ABCC12: variants seen among roughly 807,000 people sequenced by gnomAD.
The protein encoded by ABCC12 is ATP binding cassette subfamily C member 12, also known as ATP-binding cassette sub-family C member 12.
Under a neutral mutation model 151.1 loss-of-function variants are expected in ABCC12, and 142 were observed. That is an observed-to-expected ratio of 0.94 (90% CI 0.82 to 1.08). The LOEUF is 1.08. Among genes scored for constraint, ABCC12 ranks in the 50% least tolerant of loss-of-function variants. The pLI, the probability that ABCC12 is intolerant of heterozygous loss-of-function variation, is 0.00. For missense variants in ABCC12, 1,638 were observed against 1,691.1 expected (o/e 0.97, Z 0.55); for synonymous variants, 645 against 646.4 (o/e 1.00, Z 0.03).
intron 23 of ABCC12, 45 bp from the exon 24 acceptor site, chr16:48,096,947 A>G: frequency 6.2e-7 from 1 of 1,613,476 alleles, no homozygotes; most frequent in Non-Finnish European, 8.5e-7. Flanking sequence ...AGTCAAGAAA[A>G]TCAGAAAAAG....
intron 24 of ABCC12, among the ~76,000 whole-genome samples, chr16:48,092,104 C>T (rs1962923336): frequency 6.6e-6 from 1 of 152,226 alleles, no homozygotes; most frequent in Non-Finnish European, 1.5e-5. Flanking sequence ...TCTCCCGAGC[C>T]TCCGGAGGGA....
At chr16:48,084,128 C>A (rs1962480008) in intron 29 of ABCC12, 55 bp from the exon 30 acceptor site, 5 of 1,500,990 alleles carry the variant, frequency 3.3e-6, no homozygotes, top group East Asian at 4.8e-5. Flanking sequence ...GAATTTACAG[C>A]CTCGGCTCTA....
chr16:48,146,869 A>T (rs1029622908), intron 2 of ABCC12: 5 of 188,884 alleles, frequency 2.6e-5, no homozygotes, highest in Non-Finnish European at 4.4e-5. Flanking sequence ...ACATGCACAC[A>T]TGCACACACA....
chr16:48,091,165 C>A lies in ABCC12; in HGVS notation c.3240G>T (p.Thr1080=), dbSNP rs769881761. 6.2e-7 allele frequency: 1 copy of A among 1,614,152 alleles called. No individual in the cohort carries two copies. Among genetic ancestry groups the A allele is most frequent in the South Asian group, 1.1e-5 (1 of 91,084 alleles). The part of the protein sequence containing the change: ...LQVCVRTGTE[T]QAKFTSVELL... The stretch of plus-strand genomic sequence containing the variant: ...GCTCCACGGAGGTGAATTTGGCTTG[C>A]GTCTCTGTTCCCGTTCGCACACACA... Residue 1080 remains threonine, a synonymous_variant, in exon 25 of 31, where the codon ACG becomes ACT. Transcript: ENST00000311303.
intron 28 of ABCC12, 120 bp downstream of exon 28, chr16:48,086,621 G>A (rs758122895): frequency 4.9e-6 from 4 of 813,416 alleles, no homozygotes; most frequent in African/African-American, 3.4e-5. Flanking sequence ...CTTACGTGGT[G>A]TCTACAAATA....
In ABCC12 at chr16:48,105,190, G is replaced by T. The variant is rs572779583; in HGVS notation, c.2622C>A (p.Thr874=). The change falls in exon 21 of 31, where the codon ACC becomes ACA. Residue 874 remains threonine (T), a synonymous_variant. Transcript: ENST00000311303. Reference sequence around the variant, plus strand: ...AGGAGGATGCCATCAGTGTGGTCTTGGTGAAGACGAAGCCTTTGGTGACGC... The same window carrying T: ...AGGAGGATGCCATCAGTGTGGTCTTTGTGAAGACGAAGCCTTTGGTGACGC... The part of the protein sequence containing the change: ...VFGVTKGFVF[T]KTTLMASSSL... 15 of 1,614,036 alleles carry T rather than the reference G, an allele frequency of 9.3e-6. No homozygotes were observed. Among genetic ancestry groups the T allele is most frequent in the Non-Finnish European group, 1.3e-5 (15 of 1,180,038 alleles).
At chr16:48,144,190 T>C (rs1229588006) in intron 3 of ABCC12, 125 bp from the exon 4 acceptor site, 6 of 1,185,814 alleles carry the variant, frequency 5.1e-6, no homozygotes, top group Non-Finnish European at 5.8e-6. Context: ...CTTGCATTCA[T>C]TATGTTTATT....
chr16:48,115,788 G>A (rs1963863796), intron 14 of ABCC12, among the ~76,000 whole-genome samples, 170 bp from the exon 15 acceptor site: 1 of 152,226 alleles, frequency 6.6e-6, no homozygotes, highest in Non-Finnish European at 1.5e-5. Context: ...GAGACTCTGT[G>A]GTGAGTGGAA....
chr16:48,126,763 C>T (rs749383956), intron 11 of ABCC12, among the ~76,000 whole-genome samples: 2 of 152,202 alleles, frequency 1.3e-5, no homozygotes, highest in Non-Finnish European at 2.9e-5. Flanking sequence ...AGAGGCATTG[C>T]ATTGCCCCCA....
At chr16:48,134,802 C>CA (rs1344988788) in intron 8 of ABCC12, among the ~76,000 whole-genome samples, 2 of 152,132 alleles carry the variant, frequency 1.3e-5, no homozygotes, top group African/African-American at 2.4e-5. Context: ...CCTGTAATCC[C>CA]AGCACTTTGG....
intron 22 of ABCC12, among the ~76,000 whole-genome samples, chr16:48,102,021 G>C (rs577912111): frequency 3.3e-5 from 5 of 152,262 alleles, no homozygotes; most frequent in African/African-American, 1.2e-4. Context: ...GGAACCTAAG[G>C]CCAATTCACG....
chr16:48,108,585 A>G, intron 18 of ABCC12, 56 bp from the exon 19 acceptor site: 2 of 1,473,956 alleles, frequency 1.4e-6, no homozygotes. Flanking sequence ...GGGCCCAGCG[A>G]GGTAGGCACG....
intron 2 of ABCC12, among the ~76,000 whole-genome samples, chr16:48,147,425 T>G (rs1596632993): frequency 6.6e-6 from 1 of 152,198 alleles, no homozygotes; most frequent in African/African-American, 2.4e-5. Flanking sequence ...AAGGCCTTAT[T>G]ATTATATATA....
rs754552536 is a variant in ABCC12, at chr16:48,146,353, T to A, written c.72A>T (p.Arg24Ser). The A allele has an allele frequency of 6.2e-7, 1 of 1,614,180 alleles. No individual in the cohort carries two copies. The highest frequency in any genetic ancestry group is 2.2e-5 in the East Asian group (1 of 44,876). Residue 24 changes from arginine (R) to serine (S), a missense_variant, in exon 3 of 31, where the codon AGA becomes AGT. Arg to Ser is a moderately radical substitution (Grantham distance 110). Coordinates refer to ENST00000311303, the MANE Select transcript of ABCC12 (RefSeq NM_001393797.1). Reference protein sequence around the residue: ...QRGRRRSFAERYDPSLKTMIP... With the variant: ...QRGRRRSFAESYDPSLKTMIP... Reference sequence around the variant, plus strand: ...TCATGGTCTTCAGGCTGGGGTCATATCTTTCTGCAAAGGATCTCCGCCGGC... The same window carrying A: ...TCATGGTCTTCAGGCTGGGGTCATAACTTTCTGCAAAGGATCTCCGCCGGC...
chr16:48,111,521 T>C lies in ABCC12; in HGVS notation c.2210-14A>G. On this transcript the variant is annotated splice_polypyrimidine_tract_variant and intron_variant, in intron 17 of 30. Coordinates refer to ENST00000311303, the MANE Select transcript of ABCC12 (RefSeq NM_001393797.1). Reference sequence around the variant, plus strand: ...CTGGAGCCAAAACTAGGGTGAGAAATAAAGAGAGATCTGTGTCCATTCAAG... The same window carrying C: ...CTGGAGCCAAAACTAGGGTGAGAAACAAAGAGAGATCTGTGTCCATTCAAG... The C allele has an allele frequency of 6.2e-7, 1 of 1,614,084 alleles. No homozygotes were observed. Among genetic ancestry groups the C allele is most frequent in the South Asian group, 1.1e-5 (1 of 91,074 alleles).
intron 17 of ABCC12, 22 bp from the exon 18 acceptor site, chr16:48,111,529 G>T: frequency 5.0e-6 from 8 of 1,614,068 alleles, no homozygotes; most frequent in Non-Finnish European, 5.9e-6. Flanking sequence ...AATAAAGAGA[G>T]ATCTGTGTCC....
chr16:48,140,746 T>A lies in ABCC12; in HGVS notation c.598A>T (p.Thr200Ser), dbSNP rs1964776557. 6.2e-7 allele frequency: 1 copy of A among 1,614,106 alleles called. No individual in the cohort carries two copies. The highest frequency in any genetic ancestry group is 8.5e-7 in the Non-Finnish European group (1 of 1,180,010). ...GACACTAGGTTTTCAAAAACCAAGG[T>A]GGAGAGCGCCACCTTCAACCGGATG... Reference protein sequence around the residue: ...TAIRLKVALSTLVFENLVSFK... With the variant: ...TAIRLKVALSSLVFENLVSFK... The change falls in exon 6 of 31, where the codon ACC (threonine) becomes TCC (serine). Residue 200 changes from threonine (T) to serine (S), a missense_variant. Coordinates refer to ENST00000311303, the MANE Select transcript of ABCC12 (RefSeq NM_001393797.1).
At chr16:48,154,242 G>T (rs1026665809) in intron 1 of ABCC12, among the ~76,000 whole-genome samples, 5 of 152,200 alleles carry the variant, frequency 3.3e-5, no homozygotes, top group Non-Finnish European at 7.3e-5. Context: ...GCAGAAGCAG[G>T]AAGGCCTCTG....
chr16:48,107,048 C>A (rs1963516358), intron 20 of ABCC12, among the ~76,000 whole-genome samples: 2 of 152,206 alleles, frequency 1.3e-5, no homozygotes, highest in South Asian at 4.1e-4. Context: ...CAATCTTGTA[C>A]GTGCCTGATT....
Sources: allele counts gnomAD v4.1 joint callset (sites outside exome capture counted in the v4.1 genomes callset), GRCh38; gene constraint gnomAD v4.1.1; transcripts MANE v1.5; gene names NCBI Gene and HGNC (gene_info 2026-07-23, HGNC 2026-07-21).